Variants in MTSS1 observed in about 807,000 individuals in gnomAD.
MTSS1 encodes protein MTSS 1.
Under a neutral mutation model 79.0 loss-of-function variants are expected in MTSS1, and 18 were observed. The observed-to-expected ratio is 0.23, with a 90% CI of 0.16 to 0.34. The LOEUF (loss-of-function observed/expected upper bound fraction) is 0.34, where lower values mean the gene tolerates loss of function less well. MTSS1 is among the 10% of genes least tolerant of loss of function. The pLI is 1.00. For synonymous variants in MTSS1, 341 were observed against 368.6 expected (o/e 0.93, Z 0.86); for missense variants, 815 against 986.2 (o/e 0.83, Z 2.33).
chr8:124,566,760 A>G (rs1453924502), intron 8 of MTSS1, among the ~76,000 whole-genome samples: 1 of 152,194 alleles, frequency 6.6e-6, no homozygotes, highest in African/African-American at 2.4e-5. Flanking sequence ...TATCAGTTCC[A>G]CTACCTGCTA....
chr8:124,597,762 T>C lies in MTSS1; in HGVS notation c.209-6527A>G, dbSNP rs1403709806. ...GACTGAAGAACTGCTTTGGTGAAAG[T>C]GTGCCGCCGTCACAGTAAGTCACTG... On this transcript the variant is annotated intron_variant, in intron 3 of 13. Coordinates refer to ENST00000518547, the MANE Select transcript of MTSS1 (RefSeq NM_014751.6). This position sits in a 1 kb window ranked among gnomAD's most constrained non-coding sequence, Gnocchi z 4.6. Among the ~76,000 whole-genome samples, 3 of 152,188 alleles carry C rather than the reference T, an allele frequency of 2.0e-5. No individual in the cohort carries two copies. The highest frequency in any genetic ancestry group is 7.2e-5 in the African/African-American group (3 of 41,436).
chr8:124,588,813 C>G lies in MTSS1; in HGVS notation c.385+807G>C, dbSNP rs142713291. Among the ~76,000 whole-genome samples, 836 of 152,262 alleles carry G rather than the reference C, an allele frequency of 5.5e-3. 6 individuals carry two copies. The highest frequency in any genetic ancestry group is 7.6e-3 in the Non-Finnish European group (517 of 68,032). ...TACTGCAACCTCTGCCTCCTGGGTT[C>G]AAACAATTCTCGTGTCTCAGCCTCC... is the stretch of plus-strand genomic sequence containing the variant. On this transcript the variant is annotated intron_variant, in intron 5 of 13. Transcript: ENST00000518547.
intron 3 of MTSS1, among the ~76,000 whole-genome samples, chr8:124,615,206 C>A (rs1341621715): frequency 1.3e-5 from 2 of 152,018 alleles, no homozygotes; most frequent in African/African-American, 4.8e-5. Context: ...CAGGAGGAGG[C>A]CAGGCCTGGA....
chr8:124,598,527 T>C (rs1833167926), intron 3 of MTSS1, among the ~76,000 whole-genome samples: 1 of 152,162 alleles, frequency 6.6e-6, no homozygotes, highest in Non-Finnish European at 1.5e-5. Flanking sequence ...GGAAGCCACC[T>C]GACATGCTCA....
intron 13 of MTSS1, among the ~76,000 whole-genome samples, chr8:124,554,047 C>G (rs1249733854): frequency 6.6e-6 from 1 of 152,244 alleles, no homozygotes; most frequent in Non-Finnish European, 1.5e-5. Flanking sequence ...CAGTCCAGAA[C>G]TCAACGTGAA....
chr8:124,691,567 G>A (rs929369610), intron 3 of MTSS1, among the ~76,000 whole-genome samples: 57 of 152,106 alleles, frequency 3.7e-4, no homozygotes, highest in African/African-American at 1.4e-3. Flanking sequence ...CCAGGCTGGA[G>A]TACAATGGTA....
chr8:124,652,439 T>C (rs929349172), intron 3 of MTSS1, among the ~76,000 whole-genome samples: 3 of 152,094 alleles, frequency 2.0e-5, no homozygotes, highest in Non-Finnish European at 2.9e-5. Flanking sequence ...GTGCTAGGAT[T>C]ACAGGAATGA....
chr8:124,647,208 T>G (rs928723764), intron 3 of MTSS1, among the ~76,000 whole-genome samples: 1 of 152,228 alleles, frequency 6.6e-6, no homozygotes, highest in African/African-American at 2.4e-5. Flanking sequence ...AAGTACATTT[T>G]CATACTATTT....
At chr8:124,555,256 T>A (rs895485499) in intron 13 of MTSS1, among the ~76,000 whole-genome samples, 1 of 151,848 alleles carries the variant, frequency 6.6e-6, no homozygotes, top group African/African-American at 2.4e-5. Flanking sequence ...TTATTATTAT[T>A]TTTTTTTGAG....
At chr8:124,716,034 A>T (rs1272078265) in intron 1 of MTSS1, among the ~76,000 whole-genome samples, 1 of 152,190 alleles carries the variant, frequency 6.6e-6, no homozygotes, top group Non-Finnish European at 1.5e-5. Flanking sequence ...AATCACCCTG[A>T]CTGGGCCATG....
At chr8:124,649,897 G>C (rs760844939) in intron 3 of MTSS1, among the ~76,000 whole-genome samples, 3 of 151,876 alleles carry the variant, frequency 2.0e-5, no homozygotes, top group Non-Finnish European at 4.4e-5. Context: ...ATATGGAAAA[G>C]ACTAAGAGCA....
intron 3 of MTSS1, among the ~76,000 whole-genome samples, chr8:124,678,787 C>T (rs1311793833): frequency 6.6e-6 from 1 of 152,208 alleles, no homozygotes; most frequent in Non-Finnish European, 1.5e-5. Flanking sequence ...TTTACTACTA[C>T]AGTGTACTGG....
At chr8:124,614,462 C>T (rs533541299) in intron 3 of MTSS1, among the ~76,000 whole-genome samples, 1 of 152,322 alleles carries the variant, frequency 6.6e-6, no homozygotes, top group South Asian at 2.1e-4. Context: ...CACCTTTGTC[C>T]TCATCATGGG....
intron 3 of MTSS1, chr8:124,673,632 C>T (rs542213309): frequency 7.2e-5 from 11 of 152,240 alleles, no homozygotes; most frequent in East Asian, 5.8e-4. Flanking sequence ...AGATGGGCCG[C>T]GTCAATTTAT....
chr8:124,701,928 T>C (rs902458216), intron 2 of MTSS1, among the ~76,000 whole-genome samples: 10 of 152,220 alleles, frequency 6.6e-5, no homozygotes, highest in African/African-American at 2.4e-4. Context: ...GAGGCCCCTA[T>C]ATTGCTCTCA....
chr8:124,640,693 G>A (rs972545901), intron 3 of MTSS1, among the ~76,000 whole-genome samples: 6 of 151,980 alleles, frequency 3.9e-5, no homozygotes, highest in African/African-American at 9.7e-5. Flanking sequence ...ACAGGTGCCC[G>A]CCCCCATGCC....
intron 3 of MTSS1, among the ~76,000 whole-genome samples, chr8:124,634,388 T>G (rs1816621414): frequency 6.6e-6 from 1 of 152,048 alleles, no homozygotes; most frequent in South Asian, 2.1e-4. Context: ...ACTCAAGTGA[T>G]CCTCCTGCCT....
At chr8:124,669,316 T>C (rs1268490768) in intron 3 of MTSS1, among the ~76,000 whole-genome samples, 1 of 152,240 alleles carries the variant, frequency 6.6e-6, no homozygotes, top group African/African-American at 2.4e-5. Flanking sequence ...TCCGCTGAGA[T>C]AGTGTGACAA....
In MTSS1 at chr8:124,727,856, C is replaced by G; in HGVS notation, c.72+28G>C. ...GGCGAGGTCAGAGCGCGGCGGCCGG[C>G]GCCGCAGCCGCACCCCCGGCGTCCT... On this transcript the variant is annotated intron_variant, in intron 1 of 13. Transcript: ENST00000518547. The surrounding 1 kb of genome is among the most constrained non-coding windows in gnomAD (Gnocchi z 4.7). The G allele has an allele frequency of 6.4e-7, 1 of 1,558,574 alleles. No homozygotes were observed. Among genetic ancestry groups the G allele is most frequent in the Non-Finnish European group, 8.6e-7 (1 of 1,156,646 alleles).
Sources: allele counts gnomAD v4.1 joint callset (sites outside exome capture counted in the v4.1 genomes callset), GRCh38; gene constraint gnomAD v4.1.1; non-coding constraint Gnocchi (gnomAD v3.1); transcripts MANE v1.5; gene names NCBI Gene and HGNC (gene_info 2026-07-23, HGNC 2026-07-21).